ERC2: variants seen among roughly 807,000 people sequenced by gnomAD.
The protein encoded by ERC2 is ELKS/RAB6-interacting/CAST family member 2.
In ERC2, 42 loss-of-function variants were observed where a neutral mutation model predicts 114.8. The ratio of observed to expected loss-of-function variants is 0.37; its 90% CI spans 0.29 to 0.47. The LOEUF is 0.47. ERC2 is among the 20% of genes least tolerant of loss of function. The probability of loss-of-function intolerance (pLI) is 0.99; values close to 1 mark genes in which losing one functional copy is unlikely to be tolerated. For synonymous variants in ERC2, 454 were observed against 425.5 expected, an observed-to-expected ratio of 1.07 and a Z score of -0.82; for missense variants, 939 against 1,150.7, an observed-to-expected ratio of 0.82 and a Z score of 2.66.
intron 3 of ERC2, among the ~76,000 whole-genome samples, chr3:56,283,638 A>C (rs1312243103): frequency 1.3e-5 from 2 of 152,220 alleles, no homozygotes; most frequent in Non-Finnish European, 2.9e-5. Flanking sequence ...ATTTTAAAGA[A>C]GATCATTTGT....
intron 3 of ERC2, among the ~76,000 whole-genome samples, chr3:56,288,417 C>T (rs186447410): frequency 1.3e-5 from 2 of 152,198 alleles, no homozygotes; most frequent in African/African-American, 2.4e-5. Flanking sequence ...CCCACACCCC[C>T]AACCCTGTCA....
At chr3:55,776,495 G>A (rs571691779) in intron 14 of ERC2, among the ~76,000 whole-genome samples, 19 of 152,282 alleles carry the variant, frequency 1.2e-4, no homozygotes, top group African/African-American at 2.9e-4. Context: ...GCAGGTCCAG[G>A]GATTCACTAG....
intron 17 of ERC2, among the ~76,000 whole-genome samples, chr3:55,643,666 C>A (rs2060278472): frequency 6.6e-6 from 1 of 152,084 alleles, no homozygotes. Flanking sequence ...GTTTCTGGCA[C>A]AGAGAAAACT....
At chr3:55,986,598 T>C (rs546162405) in intron 11 of ERC2, among the ~76,000 whole-genome samples, 4 of 152,260 alleles carry the variant, frequency 2.6e-5, no homozygotes, top group African/African-American at 9.6e-5. Context: ...GGGCTTTTGG[T>C]GGTGTGCCAC....
At chr3:56,181,634 G>A (rs1327247919) in intron 3 of ERC2, among the ~76,000 whole-genome samples, 1 of 152,186 alleles carries the variant, frequency 6.6e-6, no homozygotes, top group Non-Finnish European at 1.5e-5. Flanking sequence ...TCTTTATAAA[G>A]TGAAGCCTAA....
intron 3 of ERC2, among the ~76,000 whole-genome samples, chr3:56,216,750 C>A (rs2049505060): frequency 6.6e-6 from 1 of 152,184 alleles, no homozygotes; most frequent in African/African-American, 2.4e-5. Flanking sequence ...CAGTAAAATA[C>A]TGGCAAACCA....
intron 14 of ERC2, among the ~76,000 whole-genome samples, chr3:55,785,493 C>G (rs1362370919): frequency 2.0e-5 from 3 of 152,200 alleles, no homozygotes; most frequent in Non-Finnish European, 4.4e-5. Context: ...ATGGTCCTTA[C>G]TATGCCACTA....
chr3:55,729,752 C>T (rs1010746460), intron 15 of ERC2, among the ~76,000 whole-genome samples: 1 of 145,378 alleles, frequency 6.9e-6, no homozygotes, highest in African/African-American at 2.6e-5. Flanking sequence ...GTGGGAGTAT[C>T]GCTAGAGCCC....
In ERC2 at chr3:56,021,846, G is replaced by C. The variant is rs541573138; in HGVS notation, c.1642-2815C>G. Among the ~76,000 whole-genome samples the C allele has an allele frequency of 8.7e-4, 133 of 152,272 alleles. 1 individual carries two copies. Among genetic ancestry groups the C allele is most frequent in the Admixed American group, 4.6e-3 (70 of 15,288 alleles). ...TATTTGGTTTTCCGTTTCTGCGTTA[G>C]TTTGATAAGGATAATAGCCTCCAGC... On this transcript the variant is annotated intron_variant, in intron 7 of 17. Transcript: ENST00000288221.
chr3:56,083,385 G>GC (rs1560144505), intron 6 of ERC2, among the ~76,000 whole-genome samples: 3 of 152,168 alleles, frequency 2.0e-5, no homozygotes, highest in Admixed American at 6.5e-5. Context: ...AGCAACAGTT[G>GC]CCTGGGGTGG....
chr3:56,207,204 T>C (rs1274942917), intron 3 of ERC2, among the ~76,000 whole-genome samples: 1 of 152,134 alleles, frequency 6.6e-6, no homozygotes, highest in Non-Finnish European at 1.5e-5. Flanking sequence ...ATGATAATAT[T>C]ATGTCTATTT....
At chr3:56,076,089 C>T (rs1472148230) in intron 7 of ERC2, among the ~76,000 whole-genome samples, 1 of 152,150 alleles carries the variant, frequency 6.6e-6, no homozygotes, top group African/African-American at 2.4e-5. Context: ...CCATTCACCC[C>T]TCTCTACCTT....
At chr3:56,161,335 T>C (rs28823346) in intron 4 of ERC2, among the ~76,000 whole-genome samples, 53,268 of 152,062 alleles carry the variant, frequency 0.35, 10,426 homozygotes, top group Middle Eastern at 0.47. Context: ...AGGTATTACT[T>C]TATAGCAATG....
At chr3:56,355,822 C>G (rs530846713) in intron 2 of ERC2, among the ~76,000 whole-genome samples, 13 of 152,022 alleles carry the variant, frequency 8.6e-5, no homozygotes, top group Admixed American at 3.3e-4. Flanking sequence ...TAACTTGAAA[C>G]CTTTGGGACC....
At chr3:55,959,477 T>G (rs2068209718) in intron 12 of ERC2, among the ~76,000 whole-genome samples, 1 of 152,144 alleles carries the variant, frequency 6.6e-6, no homozygotes, top group Non-Finnish European at 1.5e-5. Context: ...CCTGATGGAC[T>G]TGGTAAGATT....
intron 6 of ERC2, among the ~76,000 whole-genome samples, chr3:56,136,773 G>A (rs750867573): frequency 1.3e-5 from 2 of 151,958 alleles, no homozygotes; most frequent in African/African-American, 2.4e-5. Flanking sequence ...AATTAGATAA[G>A]TTTCTCCTCT....
Position 56,018,968 on chromosome 3 carries a change from C to A in ERC2, c.1705G>T (p.Val569Leu), listed in dbSNP as rs1021045198. Residue 569 changes from valine to leucine, a missense_variant, in exon 8 of 18, where the codon GTG becomes TTG. This residue lies in a region of ERC2 where 149 missense variants were observed against 254.6 expected (regional missense o/e 0.59). Transcript: ENST00000288221. ...CTGGAATCCGTCTGCAAGGACTTCA[C>A]TCTGTCTTTCAGGTTGGTCAGTTGC... ...DKQLTNLKDR[V>L]KSLQTDSSNT... 1 of 1,613,270 alleles carries A rather than the reference C, an allele frequency of 6.2e-7. No homozygotes were observed. Among genetic ancestry groups the A allele is most frequent in the African/African-American group, 1.3e-5 (1 of 75,006 alleles).
At chr3:55,747,527 C>A (rs570572465) in intron 14 of ERC2, among the ~76,000 whole-genome samples, 6 of 152,118 alleles carry the variant, frequency 3.9e-5, no homozygotes, top group Admixed American at 6.5e-5. Flanking sequence ...TTATTCCACG[C>A]CGTAAGGAAA....
At chr3:56,148,297 T>C (rs2081248908) in intron 5 of ERC2, among the ~76,000 whole-genome samples, 1 of 152,202 alleles carries the variant, frequency 6.6e-6, no homozygotes, top group East Asian at 1.9e-4. Flanking sequence ...AATAACTTTT[T>C]TTTTTTGAGA....
Sources: gnomAD v4.1 joint callset for allele counts (sites outside exome capture counted in the v4.1 genomes callset) on GRCh38, gnomAD v4.1.1 for gene constraint, gnomAD v4.1.1 regional missense constraint, MANE v1.5 for transcripts, NCBI Gene and HGNC (gene_info 2026-07-23, HGNC 2026-07-21) for gene names.